Variants in UXS1 observed in about 807,000 individuals in gnomAD.
UXS1 encodes UDP-glucuronate decarboxylase 1.
In UXS1, 33 loss-of-function variants were observed where a neutral mutation model predicts 62.6. The ratio of observed to expected loss-of-function variants is 0.53; its 90% CI spans 0.40 to 0.70. The LOEUF is 0.70. Ranked by LOEUF, UXS1 falls within the 30% of genes least tolerant of loss-of-function variation. UXS1 has a pLI of 0.00. For missense variants in UXS1, 434 were observed against 556.3 expected, an observed-to-expected ratio of 0.78 and a Z score of 2.21; for synonymous variants, 213 against 206.8, an observed-to-expected ratio of 1.03 and a Z score of -0.26.
chr2:106,172,435 C>G (rs914339767), intron 1 of UXS1, among the ~76,000 whole-genome samples: 1 of 152,212 alleles, frequency 6.6e-6, no homozygotes, highest in African/African-American at 2.4e-5. Flanking sequence ...ATGCAGGTCT[C>G]TTTTTAAAAA....
intron 1 of UXS1, among the ~76,000 whole-genome samples, chr2:106,173,463 A>G (rs1295566398): frequency 1.3e-5 from 2 of 152,156 alleles, no homozygotes; most frequent in Non-Finnish European, 1.5e-5. Flanking sequence ...CTGAGGTGGG[A>G]GAATCGCTTG....
chr2:106,121,562 T>G (rs1437930035), intron 9 of UXS1, among the ~76,000 whole-genome samples: 1 of 152,142 alleles, frequency 6.6e-6, no homozygotes, highest in African/African-American at 2.4e-5. Context: ...CACAGAGTGG[T>G]CCTGTGTGTC....
intron 7 of UXS1, among the ~76,000 whole-genome samples, chr2:106,126,660 T>C (rs2104937072): frequency 6.6e-6 from 1 of 152,334 alleles, no homozygotes; most frequent in South Asian, 2.1e-4. Context: ...TTCTTCCTGA[T>C]TAAATTTTTT....
At chr2:106,126,423 AG>A (rs1679957406) in intron 7 of UXS1, among the ~76,000 whole-genome samples, 2 of 151,916 alleles carry the variant, frequency 1.3e-5, no homozygotes, top group African/African-American at 4.8e-5. Context: ...ACTACACTAG[AG>A]GGGGGCTGTG....
rs534546361 is a variant in UXS1 at position 106,183,721 on chromosome 2, C to G, written c.94+10427G>C. 3 of 152,290 alleles carry G rather than the reference C, an allele frequency of 2.0e-5. No individual in the cohort carries two copies. In the South Asian group the frequency reaches 6.2e-4, roughly 32 times the overall value. The allele number at this position is 152,290 out of a possible 1,614,324, so 9.4% of individuals were successfully genotyped here. ...ACACCTTTTTTCCCTTGAAGCTCAT[C>G]AAGTGAAGTTATCAGCTCTTTAGAG... On this transcript the variant is annotated intron_variant, in intron 1 of 14. Coordinates refer to ENST00000283148, the MANE Select transcript of UXS1 (RefSeq NM_001253875.2).
intron 10 of UXS1, 133 bp from the exon 11 acceptor site, chr2:106,104,970 T>A: frequency 9.9e-7 from 1 of 1,007,156 alleles, no homozygotes; most frequent in Non-Finnish European, 1.6e-6. Context: ...TCAAAGCATC[T>A]AGCACCACAT....
Position 106,093,855 on chromosome 2 carries a change from T to C in UXS1, c.*171A>G. 1 of 911,256 alleles carries C rather than the reference T, an allele frequency of 1.1e-6. No individual in the cohort carries two copies. The highest frequency in any genetic ancestry group is 3.0e-4 in the Middle Eastern group (1 of 3,376). 56.4% of individuals were successfully genotyped at this position (911,256 alleles called of 1,614,324 possible). A position where few individuals can be genotyped will look rare whatever the true frequency, so the allele number is the denominator to read the frequency against. ...GTGCAAGGCAAAATCTGCAGTTTTT[T>C]GAGGGGAGCTTTTAGGCACATCCAT... On this transcript the variant is annotated 3_prime_UTR_variant, in exon 15 of 15. Coordinates refer to ENST00000283148, the MANE Select transcript of UXS1 (RefSeq NM_001253875.2).
intron 14 of UXS1, among the ~76,000 whole-genome samples, chr2:106,095,163 TA>T (rs980461687): frequency 3.3e-5 from 5 of 152,184 alleles, no homozygotes; most frequent in African/African-American, 1.2e-4. Flanking sequence ...ACACCTCACA[TA>T]AAAAGCAATA....
chr2:106,136,965 C>CAAAAAAAAAAAAAAAA (rs397701050), intron 6 of UXS1, among the ~76,000 whole-genome samples: 5 of 54,176 alleles, frequency 9.2e-5, no homozygotes, highest in East Asian at 1.2e-3. Flanking sequence ...AGAACACACA[C>CAAAAAAAAAAAAAAAA]AAAAAAAAAA....
At chr2:106,169,200 T>A (rs1361917527) in intron 1 of UXS1, among the ~76,000 whole-genome samples, 1 of 152,198 alleles carries the variant, frequency 6.6e-6, no homozygotes, top group African/African-American at 2.4e-5. Context: ...TTTACTGTGC[T>A]ATATATCTCA....
At chr2:106,117,373 T>C (rs1057042168) in intron 9 of UXS1, among the ~76,000 whole-genome samples, 3 of 152,246 alleles carry the variant, frequency 2.0e-5, no homozygotes, top group African/African-American at 4.8e-5. Flanking sequence ...GATGTTTTTG[T>C]GACCAGAAAT....
chr2:106,121,462 G>A (rs183336886), intron 9 of UXS1, among the ~76,000 whole-genome samples: 188 of 152,254 alleles, frequency 1.2e-3, no homozygotes, highest in African/African-American at 4.0e-3. Flanking sequence ...GAAAACAGTT[G>A]AGAATCATAT....
In UXS1 at chr2:106,194,197, G is replaced by A. The variant is rs1405093004; in HGVS notation, c.45C>T (p.Arg15=). The A allele has an allele frequency of 1.4e-6, 2 of 1,477,258 alleles. No homozygotes were observed. The highest frequency in any genetic ancestry group is 4.6e-5 in the Admixed American group (2 of 43,408). 91.5% of individuals were successfully genotyped at this position (1,477,258 alleles called of 1,614,324 possible). ...ALLRLVSAVN[R]RRMKLLLGIA... The stretch of plus-strand genomic sequence containing the variant: ...TGCCCAGCAGCAGCTTCATCCTCCT[G>A]CGGTTGACGGCAGACACGAGGCGCA... Residue 15 remains arginine, a synonymous_variant, in exon 1 of 15, where the codon CGC becomes CGT. Coordinates refer to ENST00000283148, the MANE Select transcript of UXS1 (RefSeq NM_001253875.2).
At chr2:106,125,372 TA>T (rs1679847044) in intron 8 of UXS1, among the ~76,000 whole-genome samples, 1 of 152,196 alleles carries the variant, frequency 6.6e-6, no homozygotes. Flanking sequence ...TGTGGAATCA[TA>T]AATGGTGGGT....
intron 10 of UXS1, 109 bp from the exon 11 acceptor site, chr2:106,104,946 G>T: frequency 7.5e-7 from 1 of 1,327,454 alleles, no homozygotes; most frequent in Non-Finnish European, 1.1e-6. Context: ...ATCCCAGGGG[G>T]CAGTGATGCT....
intron 14 of UXS1, among the ~76,000 whole-genome samples, chr2:106,095,771 T>C (rs986164978): frequency 1.3e-5 from 2 of 152,066 alleles, no homozygotes; most frequent in Non-Finnish European, 2.9e-5. Context: ...CTTGCTTCTA[T>C]AGATGGGGCC....
intron 12 of UXS1, 124 bp downstream of exon 12, chr2:106,100,934 G>A (rs1677538424): frequency 2.5e-6 from 3 of 1,207,214 alleles, no homozygotes; most frequent in Non-Finnish European, 3.6e-6. Flanking sequence ...TATTTAGCAA[G>A]CAACAAACAC....
chr2:106,105,142 T>G (rs759700933), intron 10 of UXS1, among the ~76,000 whole-genome samples: 1 of 152,134 alleles, frequency 6.6e-6, no homozygotes, highest in Non-Finnish European at 1.5e-5. Context: ...CATGTGAGGC[T>G]CTGGGGGGCT....
At chr2:106,113,866 G>A (rs1678840917) in intron 9 of UXS1, among the ~76,000 whole-genome samples, 1 of 152,192 alleles carries the variant, frequency 6.6e-6, no homozygotes, top group African/African-American at 2.4e-5. Context: ...GTACTCACCT[G>A]ACCGCCTCAG....
Sources: allele counts gnomAD v4.1 joint callset (sites outside exome capture counted in the v4.1 genomes callset), GRCh38; gene constraint gnomAD v4.1.1; transcripts MANE v1.5; gene names NCBI Gene and HGNC (gene_info 2026-07-23, HGNC 2026-07-21).